Variants in ENPEP observed in about 807,000 individuals in gnomAD.
ENPEP encodes the protein AP-A.
A neutral mutation model predicts 114.5 loss-of-function variants in ENPEP; 103 were observed. The ratio of observed to expected loss-of-function variants is 0.90; its 90% confidence interval spans 0.77 to 1.06. The LOEUF is 1.06. Ranked by LOEUF, ENPEP falls within the 50% of genes least tolerant of loss-of-function variation. The pLI, the probability that ENPEP is intolerant of heterozygous loss-of-function variation, is 0.00. For synonymous variants in ENPEP, 420 were observed against 422.0 expected (o/e 1.00, Z 0.06); for missense variants, 1,196 against 1,161.3 (o/e 1.03, Z -0.43).
At chr4:110,556,616 A>T (rs774519908) in intron 18 of ENPEP, among the ~76,000 whole-genome samples, 2 of 151,958 alleles carry the variant, frequency 1.3e-5, no homozygotes, top group Non-Finnish European at 2.9e-5. Context: ...GTCCTTGACA[A>T]TTTCTTTAGA....
At chr4:110,555,334 G>A (rs753237457) in intron 18 of ENPEP, among the ~76,000 whole-genome samples, 5 of 151,950 alleles carry the variant, frequency 3.3e-5, no homozygotes, top group Non-Finnish European at 7.4e-5. Context: ...AAACAAAAAT[G>A]AGCCAAACTT....
chr4:110,542,964 A>G, intron 12 of ENPEP, 51 bp from the exon 13 acceptor site: 2 of 1,609,356 alleles, frequency 1.2e-6, no homozygotes, highest in Non-Finnish European at 1.7e-6. Context: ...TTTTTTCAAC[A>G]TGCTTTGCCT....
intron 13 of ENPEP, among the ~76,000 whole-genome samples, chr4:110,547,073 T>G (rs1727097471): frequency 6.6e-6 from 1 of 152,036 alleles, no homozygotes; most frequent in Admixed American, 6.6e-5. Flanking sequence ...CTTTCCAAAT[T>G]ACACTCAGGA....
Position 110,549,331 on chromosome 4 carries a change from A to C in ENPEP, c.2152-15A>C. On this transcript the variant is annotated splice_polypyrimidine_tract_variant and intron_variant, in intron 14 of 19. Coordinates refer to ENST00000265162, the MANE Select transcript of ENPEP (RefSeq NM_001977.4). ...AGTAAATTGTTACTTATTGTACATA[A>C]TACTTTTATTTCAGGAATACTTCCA... 6.2e-7 allele frequency: 1 copy of C among 1,604,036 alleles called. No individual in the cohort carries two copies.
chr4:110,516,788 T>C (rs1725787386), intron 8 of ENPEP, among the ~76,000 whole-genome samples: 1 of 152,220 alleles, frequency 6.6e-6, no homozygotes, highest in Non-Finnish European at 1.5e-5. Flanking sequence ...CAGTATATTT[T>C]AACCCTTTGT....
chr4:110,489,733 G>C (rs1018245507), intron 2 of ENPEP, among the ~76,000 whole-genome samples: 39 of 152,000 alleles, frequency 2.6e-4, no homozygotes, highest in African/African-American at 9.4e-4. Context: ...TCAAAGTTGA[G>C]GTTTACATAC....
At chr4:110,495,466 A>G (rs560059819) in intron 3 of ENPEP, among the ~76,000 whole-genome samples, 43 of 152,278 alleles carry the variant, frequency 2.8e-4, no homozygotes, top group African/African-American at 1.0e-3. Context: ...CATGCCTATA[A>G]TCCCAGCACT....
At chr4:110,499,570 G>A (rs2110344679) in intron 3 of ENPEP, among the ~76,000 whole-genome samples, 1 of 152,244 alleles carries the variant, frequency 6.6e-6, no homozygotes, top group East Asian at 1.9e-4. Flanking sequence ...GAAATTTTCA[G>A]ATTTGTGAAA....
At chr4:110,525,673 C>T (rs1362012791) in intron 10 of ENPEP, among the ~76,000 whole-genome samples, 1 of 152,100 alleles carries the variant, frequency 6.6e-6, no homozygotes, top group Non-Finnish European at 1.5e-5. Flanking sequence ...TAACTCTAAA[C>T]TGGTTCCTTT....
intron 3 of ENPEP, among the ~76,000 whole-genome samples, chr4:110,505,222 G>T (rs1446221708): frequency 6.6e-6 from 1 of 151,918 alleles, no homozygotes; most frequent in Non-Finnish European, 1.5e-5. Flanking sequence ...ACCTGTCATT[G>T]TTCACAAAGA....
intron 11 of ENPEP, among the ~76,000 whole-genome samples, chr4:110,538,495 A>G (rs1726728270): frequency 2.0e-5 from 3 of 152,192 alleles, no homozygotes; most frequent in South Asian, 4.1e-4. Context: ...GCTTTGGATT[A>G]AGGGAATGTT....
intron 10 of ENPEP, among the ~76,000 whole-genome samples, chr4:110,525,639 C>T (rs190453825): frequency 2.0e-4 from 30 of 148,524 alleles, no homozygotes; most frequent in African/African-American, 7.3e-4. Context: ...TAGAATAACA[C>T]AAAAAGATGT....
At chr4:110,549,442 T>C in intron 15 of ENPEP, 23 bp downstream of exon 15, 1 of 1,612,628 alleles carries the variant, frequency 6.2e-7, no homozygotes, top group African/African-American at 1.3e-5. Flanking sequence ...TTTTAACAAC[T>C]AAAATTCATT....
chr4:110,495,470 C>A (rs144723338), intron 3 of ENPEP, among the ~76,000 whole-genome samples: 1,714 of 152,202 alleles, frequency 0.011, 11 homozygotes, highest in Non-Finnish European at 0.015. Context: ...CCTATAATCC[C>A]AGCACTTTGG....
intron 13 of ENPEP, among the ~76,000 whole-genome samples, chr4:110,543,440 C>G (rs1192625810): frequency 6.6e-6 from 1 of 151,976 alleles, no homozygotes; most frequent in Non-Finnish European, 1.5e-5. Context: ...GTTCTGTGAG[C>G]CCGAGCCCAG....
At chr4:110,552,507 C>T (rs1017726823) in intron 17 of ENPEP, among the ~76,000 whole-genome samples, 3 of 152,090 alleles carry the variant, frequency 2.0e-5, no homozygotes, top group African/African-American at 7.2e-5. Flanking sequence ...CAATATCTTC[C>T]TAAAGATATA....
chr4:110,552,153 C>G (rs1198029054), intron 17 of ENPEP, among the ~76,000 whole-genome samples: 1 of 152,094 alleles, frequency 6.6e-6, no homozygotes, highest in African/African-American at 2.4e-5. Flanking sequence ...TCGAAGGAAC[C>G]AGGATCATTA....
chr4:110,511,382 C>T (rs1334035251), intron 6 of ENPEP, among the ~76,000 whole-genome samples: 1 of 152,006 alleles, frequency 6.6e-6, no homozygotes, highest in Non-Finnish European at 1.5e-5. Flanking sequence ...TAACTAAATG[C>T]CAGTAACCTG....
At position 110,488,655 on chromosome 4, in the gene ENPEP, C is replaced by A; in HGVS notation, c.759C>A (p.Tyr253Ter). ...YTISITHPKE[Y>*]GALSNMPVAK... ...TATCTATCACCCATCCCAAAGAATA[C>A]GGAGCACTTTCAAATATGCCAGTGG... is the stretch of plus-strand genomic sequence containing the variant. The change falls in exon 2 of 20, where the codon TAC becomes TAA. Residue 253 changes from tyrosine (Y) to a stop codon, truncating the protein, a stop_gained. Transcript: ENST00000265162. LOFTEE classifies it high-confidence loss of function. 6.2e-7 allele frequency: 1 copy of A among 1,612,350 alleles called. No individual in the cohort carries two copies. The highest frequency in any genetic ancestry group is 8.5e-7 in the Non-Finnish European group (1 of 1,179,502).
Sources: gnomAD v4.1 joint callset for allele counts (sites outside exome capture counted in the v4.1 genomes callset) on GRCh38, gnomAD v4.1.1 for gene constraint, MANE v1.5 for transcripts, NCBI Gene and HGNC (gene_info 2026-07-23, HGNC 2026-07-21) for gene names.